CAST: variants seen among roughly 807,000 people sequenced by gnomAD.
CAST encodes the protein calpastatin.
Under a neutral mutation model 119.6 loss-of-function variants are expected in CAST, and 76 were observed. The ratio of observed to expected loss-of-function variants is 0.64; its 90% CI spans 0.53 to 0.77. CAST has a LOEUF of 0.77. CAST is among the 30% of genes least tolerant of loss of function. The pLI is 0.00. For missense variants in CAST, 953 were observed against 946.5 expected (o/e 1.01, Z -0.09); for synonymous variants, 319 against 331.6 (o/e 0.96, Z 0.41).
intron 27 of CAST, 109 bp from the exon 28 acceptor site, chr5:96,767,329 C>A: frequency 1.2e-6 from 1 of 818,398 alleles, no homozygotes; most frequent in Non-Finnish European, 2.0e-6. Flanking sequence ...CAAGTCTACA[C>A]TCCATTTTAT....
the CAST span, among the ~76,000 whole-genome samples, chr5:96,227,402 A>G: frequency 6.6e-6 from 1 of 152,190 alleles, no homozygotes; most frequent in African/African-American, 2.4e-5. Flanking sequence ...GTGCTGGGAA[A>G]AATTTCCAAA....
chr5:96,351,300 G>T, the CAST span, among the ~76,000 whole-genome samples: 1 of 152,110 alleles, frequency 6.6e-6, no homozygotes, highest in East Asian at 1.9e-4. Flanking sequence ...GTTTGGCCAT[G>T]TGACTTGCTA....
chr5:96,012,625 AG>A, the CAST span, among the ~76,000 whole-genome samples: 9 of 152,282 alleles, frequency 5.9e-5, no homozygotes, highest in Non-Finnish European at 1.0e-4. Flanking sequence ...AGTTTAGAAA[AG>A]TTACACCTAC....
the CAST span, among the ~76,000 whole-genome samples, chr5:96,346,333 G>A: frequency 2.0e-5 from 3 of 152,110 alleles, no homozygotes; most frequent in African/African-American, 7.2e-5. Context: ...GTACCTGTGA[G>A]GCATCTAATT....
At chr5:96,741,731 T>TC in intron 15 of CAST, 151 bp downstream of exon 15, 1 of 602,246 alleles carries the variant, frequency 1.7e-6, no homozygotes, top group South Asian at 2.0e-5. Context: ...GAGGGTTATG[T>TC]TGATCATCTC....
chr5:96,718,730 T>C (rs767675498), intron 3 of CAST, among the ~76,000 whole-genome samples: 20 of 152,094 alleles, frequency 1.3e-4, no homozygotes, highest in Non-Finnish European at 2.2e-4. Flanking sequence ...GGAGGGAACA[T>C]GCACGCAGCC....
chr5:96,378,235 T>C, the CAST span, among the ~76,000 whole-genome samples: 1 of 152,112 alleles, frequency 6.6e-6, no homozygotes, highest in African/African-American at 2.4e-5. Flanking sequence ...ATGAATAAAT[T>C]CTGGAGCTCT....
the CAST span, among the ~76,000 whole-genome samples, chr5:96,069,210 T>C: frequency 6.6e-6 from 1 of 151,904 alleles, no homozygotes; most frequent in African/African-American, 2.4e-5. Flanking sequence ...CAGGTGTGTA[T>C]ATATACATAT....
chr5:96,174,405 G>A, the CAST span, among the ~76,000 whole-genome samples: 26 of 152,348 alleles, frequency 1.7e-4, no homozygotes, highest in East Asian at 4.6e-3. Context: ...ACAAGGTCCT[G>A]CGCTGGGCGC....
At chr5:96,704,916 G>C (rs1260439796) in intron 3 of CAST, among the ~76,000 whole-genome samples, 1 of 152,182 alleles carries the variant, frequency 6.6e-6, no homozygotes, top group African/African-American at 2.4e-5. Context: ...TTCTGAATTA[G>C]ATAGAGCTCT....
chr5:96,255,851 G>T, the CAST span, among the ~76,000 whole-genome samples: 1 of 152,146 alleles, frequency 6.6e-6, no homozygotes, highest in Non-Finnish European at 1.5e-5. Flanking sequence ...TGTGAAGAAA[G>T]AAATTCAGGT....
chr5:96,358,070 T>C, the CAST span, among the ~76,000 whole-genome samples: 9 of 152,200 alleles, frequency 5.9e-5, no homozygotes, highest in Admixed American at 1.3e-4. Context: ...AGGGTGTGTG[T>C]GTCCAGGAAT....
the CAST span, among the ~76,000 whole-genome samples, chr5:96,308,088 C>T: frequency 6.6e-6 from 1 of 152,130 alleles, no homozygotes; most frequent in Non-Finnish European, 1.5e-5. Flanking sequence ...TTCAGGTACA[C>T]CAATCAAACG....
chr5:96,565,264 TAA>T (rs778643232), intron 1 of CAST, among the ~76,000 whole-genome samples: 27 of 152,132 alleles, frequency 1.8e-4, no homozygotes, highest in Non-Finnish European at 3.4e-4. Context: ...GAGAGGATTT[TAA>T]ATGATATGAT....
chr5:96,313,377 A>T, the CAST span, among the ~76,000 whole-genome samples: 2 of 152,008 alleles, frequency 1.3e-5, no homozygotes, highest in Non-Finnish European at 2.9e-5. Flanking sequence ...CACTGATCAG[A>T]TTTGTGTCTC....
At chr5:96,490,249 G>A in the CAST span, among the ~76,000 whole-genome samples, 2 of 152,056 alleles carry the variant, frequency 1.3e-5, no homozygotes, top group African/African-American at 4.8e-5. Context: ...TTGCCCACCT[G>A]CCATACACAA....
chr5:96,111,962 C>T, the CAST span, among the ~76,000 whole-genome samples: 3 of 151,308 alleles, frequency 2.0e-5, no homozygotes, highest in Non-Finnish European at 2.9e-5. Context: ...TTTTTTTAAA[C>T]TTTATTTTAT....
At chr5:96,273,686 A>T in the CAST span, among the ~76,000 whole-genome samples, 1 of 152,224 alleles carries the variant, frequency 6.6e-6, no homozygotes, top group Non-Finnish European at 1.5e-5. Flanking sequence ...TATGCAGAGA[A>T]TATTTTAATG....
upstream of CAST, among the ~76,000 whole-genome samples, chr5:96,527,111 G>C (rs1745608367): frequency 6.6e-6 from 1 of 152,180 alleles, no homozygotes; most frequent in Non-Finnish European, 1.5e-5. Flanking sequence ...AGTAAGCATA[G>C]AGAACAGGAG....
Sources: gnomAD v4.1 joint callset for allele counts (sites outside exome capture counted in the v4.1 genomes callset) on GRCh38, gnomAD v4.1.1 for gene constraint, MANE v1.5 for transcripts, NCBI Gene and HGNC (gene_info 2026-07-23, HGNC 2026-07-21) for gene names.